HHIPL1: variants seen among roughly 807,000 people sequenced by gnomAD.
HHIPL1 encodes the protein HHIP like 1, also known as HHIP-like protein 1.
Under a neutral mutation model 61.8 loss-of-function variants are expected in HHIPL1, and 43 were observed. The ratio of observed to expected loss-of-function variants is 0.70; its 90% CI spans 0.55 to 0.90. The LOEUF is 0.90. Ranked by LOEUF, HHIPL1 falls within the 40% of genes least tolerant of loss-of-function variation. HHIPL1 has a pLI of 0.00. For missense variants in HHIPL1, 1,056 were observed against 1,157.7 expected (o/e 0.91, Z 1.28); for synonymous variants, 482 against 515.8 (o/e 0.93, Z 0.89).
chr14:99,622,345 C>T, the HHIPL1 span, among the ~76,000 whole-genome samples: 1 of 152,178 alleles, frequency 6.6e-6, no homozygotes, highest in African/African-American at 2.4e-5. Flanking sequence ...CAGAGTGTCA[C>T]CCCTGGGGTG....
Position 99,675,139 on chromosome 14 carries a change from C to G in HHIPL1, c.1862C>G (p.Pro621Arg). ...RSTPRPTARA[P>R]TRAPRRGRPT... ...ACCCCGCGGCCTACAGCGCGGGCGC[C>G]CACGCGGGCGCCCCGCCGAGGGCGC... The change falls in exon 9 of 9, where the codon CCC becomes CGC. Residue 621 changes from proline (P) to arginine (R), a missense_variant. Physicochemically the swap from Pro to Arg is moderately radical, Grantham distance 103. Transcript: ENST00000330710. This position sits in a 1 kb window ranked among gnomAD's most constrained non-coding sequence, Gnocchi z 5.4. The G allele has an allele frequency of 8.9e-7, 1 of 1,119,366 alleles. No individual in the cohort carries two copies. Among genetic ancestry groups the G allele is most frequent in the Non-Finnish European group, 1.1e-6 (1 of 907,926 alleles). The allele number at this position is 1,119,366 out of a possible 1,614,324, so 69.3% of individuals were successfully genotyped here.
the HHIPL1 span, among the ~76,000 whole-genome samples, chr14:99,621,159 T>C: frequency 1.3e-5 from 2 of 151,160 alleles, no homozygotes; most frequent in Non-Finnish European, 2.9e-5. Context: ...AGTGCAGTGG[T>C]GCAATCTCAG....
chr14:99,649,282 C>T (rs923601921), intron 1 of HHIPL1, among the ~76,000 whole-genome samples: 9 of 152,182 alleles, frequency 5.9e-5, no homozygotes, highest in South Asian at 2.1e-4. Context: ...GGAGGGCTCT[C>T]GTTGCCTTCC....
chr14:99,657,760 C>T (rs2056073797), intron 3 of HHIPL1, among the ~76,000 whole-genome samples: 1 of 151,806 alleles, frequency 6.6e-6, no homozygotes, highest in Admixed American at 6.6e-5. Flanking sequence ...AACACACATA[C>T]ACACATGCAT....
chr14:99,668,258 C>A lies in HHIPL1; in HGVS notation c.1685C>A (p.Ala562Asp). 1 of 1,612,376 alleles carries A rather than the reference C, an allele frequency of 6.2e-7. No homozygotes were observed. Among genetic ancestry groups the A allele is most frequent in the Non-Finnish European group, 8.5e-7 (1 of 1,178,488 alleles). ...LYFMSTGEPS[A>D]TAPRGVVYKI... ...TTCATGTCGACAGGGGAGCCGAGTG[C>A]CACAGCTCCACGCGGAGTTGTCTAC... The change falls in exon 7 of 9, where the codon GCC becomes GAC. Residue 562 changes from alanine to aspartate, a missense_variant. Coordinates refer to ENST00000330710, the MANE Select transcript of HHIPL1 (RefSeq NM_001127258.3). This position sits in a 1 kb window ranked among gnomAD's most constrained non-coding sequence, Gnocchi z 4.7.
At chr14:99,637,829 C>T in the HHIPL1 span, among the ~76,000 whole-genome samples, 2 of 152,120 alleles carry the variant, frequency 1.3e-5, no homozygotes, top group Non-Finnish European at 2.9e-5. Flanking sequence ...ATTGATCACT[C>T]CCATTTAACA....
At chr14:99,628,985 T>C in the HHIPL1 span, among the ~76,000 whole-genome samples, 44 of 152,308 alleles carry the variant, frequency 2.9e-4, no homozygotes, top group South Asian at 8.5e-3. Flanking sequence ...CGCGGCGCTG[T>C]GCTGTGGCCA....
chr14:99,649,608 TAG>T (rs1215341185), intron 1 of HHIPL1, among the ~76,000 whole-genome samples: 2 of 152,046 alleles, frequency 1.3e-5, no homozygotes, highest in East Asian at 3.9e-4. Flanking sequence ...CTGGGAAGCA[TAG>T]AGAGACCCTG....
chr14:99,613,767 C>T, the HHIPL1 span, among the ~76,000 whole-genome samples: 9 of 151,736 alleles, frequency 5.9e-5, no homozygotes, highest in Non-Finnish European at 1.2e-4. Flanking sequence ...AAAAATTAGC[C>T]GGGCGCAGTG....
In HHIPL1 at chr14:99,668,857, G is replaced by A. The variant is rs200270003; in HGVS notation, c.1730+554G>A. 1.9e-5 allele frequency: 31 copies of A among 1,613,878 alleles called. No homozygotes were observed. The highest frequency in any genetic ancestry group is 1.8e-4 in the East Asian group (8 of 44,880). ...CTGTAAGGCCAGAAGCGCCATGCCC[G>A]GCTATGTCCCAGCTCCTTCCGTGTG... is the stretch of plus-strand genomic sequence containing the variant. On this transcript the variant is annotated intron_variant, in intron 7 of 8. Transcript: ENST00000330710. The surrounding 1 kb of genome is among the most constrained non-coding windows in gnomAD (Gnocchi z 4.7).
chr14:99,658,332 T>C (rs1034235114), intron 3 of HHIPL1, among the ~76,000 whole-genome samples: 2 of 152,148 alleles, frequency 1.3e-5, no homozygotes, highest in South Asian at 2.1e-4. Flanking sequence ...AGGGGTGTGA[T>C]CTGGATGGTG....
the HHIPL1 span, among the ~76,000 whole-genome samples, chr14:99,637,124 G>A: frequency 2.7e-5 from 3 of 111,646 alleles, no homozygotes; most frequent in Non-Finnish European, 3.7e-5. Flanking sequence ...AGAAAGAAAA[G>A]AAAGAGAGAG....
the HHIPL1 span, among the ~76,000 whole-genome samples, chr14:99,611,218 CT>C: frequency 6.6e-6 from 1 of 152,156 alleles, no homozygotes; most frequent in African/African-American, 2.4e-5. Context: ...CAGCCTTAAC[CT>C]CCCAGACTCA....
chr14:99,619,842 G>T, the HHIPL1 span, among the ~76,000 whole-genome samples: 5 of 151,984 alleles, frequency 3.3e-5, no homozygotes, highest in Admixed American at 3.3e-4. Flanking sequence ...ACGTGTTTGT[G>T]CACAGCTTTG....
In HHIPL1 at chr14:99,675,411, G is replaced by C; in HGVS notation, c.2134G>C (p.Val712Leu). ...CTGGAACATCAGCGGCGCCGCCGTC[G>C]TGTGTCGCCAGCTGGGGTTTGCCTA... is the stretch of plus-strand genomic sequence containing the variant. ...DSWNISGAAV[V>L]CRQLGFAYAV... Residue 712 changes from valine (V) to leucine (L), a missense_variant, in exon 9 of 9, where the codon GTG becomes CTG. Coordinates refer to ENST00000330710, the MANE Select transcript of HHIPL1 (RefSeq NM_001127258.3). This position sits in a 1 kb window ranked among gnomAD's most constrained non-coding sequence, Gnocchi z 5.4. 1 of 1,529,848 alleles carries C rather than the reference G, an allele frequency of 6.5e-7. No individual in the cohort carries two copies. The highest frequency in any genetic ancestry group is 8.8e-7 in the Non-Finnish European group (1 of 1,141,726). The allele number at this position is 1,529,848 out of a possible 1,614,324, so 94.8% of individuals were successfully genotyped here.
intron 7 of HHIPL1, among the ~76,000 whole-genome samples, chr14:99,669,577 T>TA (rs1394124638): frequency 6.6e-6 from 1 of 152,144 alleles, no homozygotes; most frequent in Non-Finnish European, 1.5e-5. Flanking sequence ...AACTTGTCTC[T>TA]AAAAAAATTA....
the HHIPL1 span, among the ~76,000 whole-genome samples, chr14:99,627,114 G>A: frequency 2.1e-3 from 313 of 151,158 alleles, 1 homozygote; most frequent in African/African-American, 7.0e-3. This position sits in a 1 kb window ranked among gnomAD's most constrained non-coding sequence, Gnocchi z 4.4. Flanking sequence ...CTATCCATCC[G>A]TCCATCCATC....
chr14:99,612,687 T>C, the HHIPL1 span, among the ~76,000 whole-genome samples: 2 of 152,112 alleles, frequency 1.3e-5, no homozygotes, highest in African/African-American at 4.8e-5. Flanking sequence ...CCACCCGTGA[T>C]ATGGGGGTGT....
chr14:99,653,508 ATT>A (rs911447915), intron 2 of HHIPL1, among the ~76,000 whole-genome samples: 30 of 152,118 alleles, frequency 2.0e-4, no homozygotes, highest in Admixed American at 8.5e-4. Context: ...AATTTTTTGT[ATT>A]TCAGTGGAGA....
Sources: gnomAD v4.1 joint callset for allele counts (sites outside exome capture counted in the v4.1 genomes callset) on GRCh38, gnomAD v4.1.1 for gene constraint, Gnocchi (gnomAD v3.1) non-coding constraint, MANE v1.5 for transcripts, NCBI Gene and HGNC (gene_info 2026-07-23, HGNC 2026-07-21) for gene names.